Variants in ARSJ observed in about 807,000 individuals in gnomAD.
ARSJ encodes arylsulfatase family member J, also known as arylsulfatase J.
Under a neutral mutation model 35.9 loss-of-function variants are expected in ARSJ, and 26 were observed. The ratio of observed to expected loss-of-function variants is 0.72; its 90% confidence interval spans 0.53 to 1.00. ARSJ has a LOEUF of 1.00. ARSJ is among the 50% of genes least tolerant of loss of function. The pLI is 0.00. For missense variants in ARSJ, 667 were observed against 723.6 expected (o/e 0.92, Z 0.90); for synonymous variants, 294 against 267.6 (o/e 1.10, Z -0.96).
At chr4:113,964,127 T>G (rs935150868) in intron 1 of ARSJ, among the ~76,000 whole-genome samples, 1 of 152,096 alleles carries the variant, frequency 6.6e-6, no homozygotes, top group African/African-American at 2.4e-5. Flanking sequence ...TTGACCCATT[T>G]TTCTTTTAGA....
At chr4:113,962,483 C>CTTT (rs35398076) in intron 1 of ARSJ, among the ~76,000 whole-genome samples, 5 of 139,468 alleles carry the variant, frequency 3.6e-5, no homozygotes, top group Non-Finnish European at 4.7e-5. Context: ...GAGCAGGCAC[C>CTTT]TTTTTTTTTT....
chr4:113,946,679 C>T (rs1041390005), intron 1 of ARSJ, among the ~76,000 whole-genome samples: 7 of 151,898 alleles, frequency 4.6e-5, no homozygotes, highest in African/African-American at 1.7e-4. Flanking sequence ...TCTCCTTGAC[C>T]TCAATAATAG....
intron 1 of ARSJ, among the ~76,000 whole-genome samples, chr4:113,905,725 T>C (rs1414922767): frequency 7.5e-6 from 1 of 133,286 alleles, no homozygotes; most frequent in Admixed American, 8.9e-5. Flanking sequence ...TGGAGTGCAG[T>C]GGCACGATCT....
intron 1 of ARSJ, among the ~76,000 whole-genome samples, chr4:113,934,357 CA>C (rs527373162): frequency 7.3e-5 from 11 of 151,376 alleles, no homozygotes; most frequent in African/African-American, 2.4e-4. Context: ...CATTAATAGA[CA>C]AAAAAAGTGG....
chr4:113,933,166 C>T (rs565706070), intron 1 of ARSJ, among the ~76,000 whole-genome samples: 46 of 151,608 alleles, frequency 3.0e-4, no homozygotes, highest in Non-Finnish European at 5.8e-4. Flanking sequence ...CATGAAGAAA[C>T]AGAAAATGTC....
intron 1 of ARSJ, among the ~76,000 whole-genome samples, chr4:113,918,857 A>G (rs572376490): frequency 2.2e-4 from 33 of 152,220 alleles, no homozygotes; most frequent in African/African-American, 7.0e-4. Context: ...CAGTGGCGTT[A>G]TCACAGTTCA....
intron 1 of ARSJ, among the ~76,000 whole-genome samples, chr4:113,945,128 T>A (rs1725394850): frequency 6.6e-6 from 1 of 152,066 alleles, no homozygotes; most frequent in Non-Finnish European, 1.5e-5. Flanking sequence ...TTTGTTGGTG[T>A]CTCTTTTTAA....
intron 1 of ARSJ, among the ~76,000 whole-genome samples, chr4:113,916,583 C>A (rs1723317942): frequency 6.6e-6 from 1 of 152,002 alleles, no homozygotes; most frequent in African/African-American, 2.4e-5. Flanking sequence ...CCTCCCCCTT[C>A]TGCTCTATTG....
chr4:113,974,917 C>A (rs983004127), intron 1 of ARSJ, among the ~76,000 whole-genome samples: 5 of 152,144 alleles, frequency 3.3e-5, no homozygotes, highest in Admixed American at 3.3e-4. Context: ...GAAAACAACC[C>A]AAATGTCTAT....
intron 1 of ARSJ, among the ~76,000 whole-genome samples, chr4:113,936,630 A>C (rs1724784093): frequency 6.6e-6 from 1 of 152,078 alleles, no homozygotes; most frequent in East Asian, 1.9e-4. Context: ...TTAGTTATTA[A>C]AAATATTTTA....
At chr4:113,919,362 A>G (rs776651306) in intron 1 of ARSJ, among the ~76,000 whole-genome samples, 1 of 152,184 alleles carries the variant, frequency 6.6e-6, no homozygotes, top group African/African-American at 2.4e-5. Context: ...AGACTTAGGT[A>G]AGTCACTTCT....
chr4:113,949,211 T>C (rs982949257), intron 1 of ARSJ, among the ~76,000 whole-genome samples: 2 of 151,908 alleles, frequency 1.3e-5, no homozygotes, highest in African/African-American at 4.8e-5. Context: ...AGGGGAGGGA[T>C]AGCATTAGGA....
At chr4:113,972,873 G>A (rs1021649695) in intron 1 of ARSJ, among the ~76,000 whole-genome samples, 2 of 152,192 alleles carry the variant, frequency 1.3e-5, no homozygotes, top group African/African-American at 4.8e-5. Flanking sequence ...GCCTGGAGCA[G>A]GTATGGGTGC....
At chr4:113,909,475 C>A (rs1406431055) in intron 1 of ARSJ, among the ~76,000 whole-genome samples, 1 of 152,154 alleles carries the variant, frequency 6.6e-6, no homozygotes, top group Non-Finnish European at 1.5e-5. Flanking sequence ...ATAATCCCCA[C>A]ATGTCGTGAG....
chr4:113,901,422 G>C lies in ARSJ; in HGVS notation c.*852C>G, dbSNP rs2099666990. The C allele has an allele frequency of 6.6e-6, 1 of 151,968 alleles. No homozygotes were observed. The highest frequency in any genetic ancestry group is 2.1e-4 in the South Asian group (1 of 4,828). The allele number at this position is 151,968 out of a possible 1,614,324, so 9.4% of individuals were successfully genotyped here. A position where few individuals can be genotyped will look rare whatever the true frequency, so the allele number is the denominator to read the frequency against. ...ATTAATTTATAGTATTACAGTGCTT[G>C]GTAATTTGAAGAAATGAAATAAAAT... On this transcript the variant is annotated 3_prime_UTR_variant, in exon 2 of 2. Coordinates refer to ENST00000315366, the MANE Select transcript of ARSJ (RefSeq NM_024590.4).
At chr4:113,976,451 G>A (rs551583715) in intron 1 of ARSJ, among the ~76,000 whole-genome samples, 99 of 152,056 alleles carry the variant, frequency 6.5e-4, no homozygotes, top group Non-Finnish European at 1.2e-3. Context: ...TAAGCATGTG[G>A]GAGTAATTTA....
At chr4:113,917,311 C>T (rs1458458159) in intron 1 of ARSJ, among the ~76,000 whole-genome samples, 1 of 152,108 alleles carries the variant, frequency 6.6e-6, no homozygotes, top group African/African-American at 2.4e-5. Flanking sequence ...TCTGTTATAA[C>T]ATCCAAAACT....
At chr4:113,924,047 AT>A (rs1723862516) in intron 1 of ARSJ, among the ~76,000 whole-genome samples, 1 of 496 alleles carries the variant, frequency 2.0e-3, no homozygotes. Flanking sequence ...ATATATATAA[AT>A]ATATATAAAT....
intron 1 of ARSJ, among the ~76,000 whole-genome samples, chr4:113,946,572 T>TACACACAC (rs138434069): frequency 5.4e-5 from 8 of 147,302 alleles, no homozygotes; most frequent in Non-Finnish European, 7.5e-5. Flanking sequence ...ACACACACCA[T>TACACACAC]ACACACACAC....
Sources: allele counts gnomAD v4.1 joint callset (sites outside exome capture counted in the v4.1 genomes callset), GRCh38; gene constraint gnomAD v4.1.1; transcripts MANE v1.5; gene names NCBI Gene and HGNC (gene_info 2026-07-23, HGNC 2026-07-21).